RHOH: variants seen among roughly 807,000 people sequenced by gnomAD.
RHOH encodes rho-related GTP-binding protein RhoH.
RHOH carries 6 observed loss-of-function variants against 13.8 expected under a neutral mutation model. That is an observed-to-expected ratio of 0.44 (90% CI 0.24 to 0.86). The LOEUF (loss-of-function observed/expected upper bound fraction) is 0.86. Among genes scored for constraint, RHOH ranks in the 40% least tolerant of loss-of-function variants. The pLI is 0.24. For missense variants in RHOH, 147 were observed against 244.5 expected, an observed-to-expected ratio of 0.60 and a Z score of 2.66; for synonymous variants, 117 against 103.0, an observed-to-expected ratio of 1.14 and a Z score of -0.82.
chr4:40,233,258 C>T (rs192933926), intron 1 of RHOH, among the ~76,000 whole-genome samples: 6 of 152,160 alleles, frequency 3.9e-5, no homozygotes, highest in African/African-American at 1.4e-4. Context: ...ATACCATCAA[C>T]CAACTCACAC....
intron 1 of RHOH, among the ~76,000 whole-genome samples, chr4:40,197,916 G>T (rs1214819965): frequency 6.6e-6 from 1 of 152,180 alleles, no homozygotes; most frequent in Non-Finnish European, 1.5e-5. Flanking sequence ...CAAAGTTTGG[G>T]AAATCACCGG....
intron 1 of RHOH, among the ~76,000 whole-genome samples, chr4:40,204,067 A>G (rs1724351121): frequency 6.6e-6 from 1 of 152,270 alleles, no homozygotes. Context: ...TTATGCCACA[A>G]CAACATTATA....
intron 1 of RHOH, among the ~76,000 whole-genome samples, chr4:40,220,203 T>C (rs1560699692): frequency 6.6e-6 from 1 of 152,132 alleles, no homozygotes. Context: ...CCGCTTCCTC[T>C]GCCTGCATGC....
intron 1 of RHOH, among the ~76,000 whole-genome samples, chr4:40,232,620 C>T (rs922722189): frequency 3.8e-4 from 58 of 152,156 alleles, no homozygotes; most frequent in Non-Finnish European, 2.5e-4. Flanking sequence ...TAACTGGAGT[C>T]AGCTGGAGCT....
intron 1 of RHOH, among the ~76,000 whole-genome samples, chr4:40,203,553 AGAGT>A (rs1474958948): frequency 1.3e-5 from 2 of 149,874 alleles, no homozygotes; most frequent in Non-Finnish European, 2.9e-5. Context: ...TGAGAGAGAG[AGAGT>A]GTGTGTGTGT....
chr4:40,216,063 T>C (rs894284907), intron 1 of RHOH, among the ~76,000 whole-genome samples: 1 of 152,160 alleles, frequency 6.6e-6, no homozygotes, highest in African/African-American at 2.4e-5. Context: ...TCATCGCCAT[T>C]TCTTTCAGCT....
At position 40,244,722 on chromosome 4, in the gene RHOH, T is replaced by C. The variant is rs535333249; in HGVS notation, c.*760T>C. 10 of 181,964 alleles carry C rather than the reference T, an allele frequency of 5.5e-5. No homozygotes were observed. In the South Asian group the frequency reaches 7.9e-4, roughly 14 times the overall value. 11.3% of individuals were successfully genotyped at this position (181,964 alleles called of 1,614,324 possible). On this transcript the variant is annotated 3_prime_UTR_variant, in exon 3 of 3. Transcript: ENST00000381799. The stretch of plus-strand genomic sequence containing the variant: ...AATATTCTCCTCTCATTCACCAAGA[T>C]TGATTGAAACACCATCTTTCAGGTA...
intron 1 of RHOH, among the ~76,000 whole-genome samples, chr4:40,201,681 G>A (rs1724010266): frequency 6.6e-6 from 1 of 151,888 alleles, no homozygotes; most frequent in African/African-American, 2.4e-5. Context: ...CGGGGGGCAA[G>A]CATGTTGTTA....
At chr4:40,206,516 G>C (rs904212982) in intron 1 of RHOH, among the ~76,000 whole-genome samples, 4 of 152,072 alleles carry the variant, frequency 2.6e-5, no homozygotes, top group Admixed American at 2.6e-4. Flanking sequence ...GGGCCTAAAA[G>C]TCCCCTTTGG....
At chr4:40,211,302 C>G (rs6531761) in intron 1 of RHOH, among the ~76,000 whole-genome samples, 88,173 of 151,868 alleles carry the variant, frequency 0.58, 25,788 homozygotes, top group Admixed American at 0.63. Context: ...CTCTCTCTTT[C>G]TCACCGAGGC....
chr4:40,204,198 C>T (rs948590095), intron 1 of RHOH, among the ~76,000 whole-genome samples: 5 of 152,196 alleles, frequency 3.3e-5, no homozygotes, highest in Admixed American at 6.5e-5. Flanking sequence ...TTCAATGTCT[C>T]GTGCTCTTCT....
At position 40,243,519 on chromosome 4, in the gene RHOH, G is replaced by A. The variant is rs760810812; in HGVS notation, c.133G>A (p.Val45Ile). ...AGTGTACGAGAACACAGGGGTGGAC[G>A]TCTTCATGGATGGCATCCAGATCAG... ...PTVYENTGVD[V>I]FMDGIQISLG... Residue 45 changes from valine (V) to isoleucine (I), a missense_variant, in exon 3 of 3, where the codon GTC becomes ATC. Physicochemically the swap from Val to Ile is conservative, Grantham distance 29. Coordinates refer to ENST00000381799, the MANE Select transcript of RHOH (RefSeq NM_004310.5). The surrounding 1 kb of genome is among the most constrained non-coding windows in gnomAD (Gnocchi z 6.2). 2 of 1,613,968 alleles carry A rather than the reference G, an allele frequency of 1.2e-6. No homozygotes were observed. Among genetic ancestry groups the A allele is most frequent in the Non-Finnish European group, 8.5e-7 (1 of 1,179,998 alleles).
At chr4:40,198,372 C>G (rs936272013) in intron 1 of RHOH, among the ~76,000 whole-genome samples, 1 of 152,230 alleles carries the variant, frequency 6.6e-6, no homozygotes, top group Non-Finnish European at 1.5e-5. Context: ...TTGTTTTACA[C>G]ATTGCAGGAA....
chr4:40,191,429 T>C (rs1162813015), upstream of RHOH: 1 of 152,188 alleles, frequency 6.6e-6, no homozygotes, highest in Non-Finnish European at 1.5e-5. Flanking sequence ...TATTAAGCTG[T>C]CTCTCAAGGA....
intron 2 of RHOH, 160 bp downstream of exon 2, chr4:40,242,994 TGTTGG>T: frequency 8.9e-6 from 1 of 112,162 alleles, no homozygotes; most frequent in Non-Finnish European, 1.8e-5. Flanking sequence ...TGTGTGTGTG[TGTTGG>T]GGGAAGACAG....
chr4:40,230,456 G>C (rs561849420), intron 1 of RHOH, among the ~76,000 whole-genome samples: 1 of 151,872 alleles, frequency 6.6e-6, no homozygotes, highest in African/African-American at 2.4e-5. Flanking sequence ...CCAGCCTCCC[G>C]AATAGCTGGG....
chr4:40,234,230 G>A (rs578162568), intron 1 of RHOH, among the ~76,000 whole-genome samples: 4 of 152,302 alleles, frequency 2.6e-5, no homozygotes, highest in South Asian at 4.1e-4. Flanking sequence ...CAGAGACCAC[G>A]TGTCCTTCCC....
At chr4:40,207,161 G>C (rs1254029999) in intron 1 of RHOH, among the ~76,000 whole-genome samples, 2 of 151,210 alleles carry the variant, frequency 1.3e-5, no homozygotes, top group Non-Finnish European at 2.9e-5. Context: ...AGCAGAGATC[G>C]TGCCACTGCA....
At chr4:40,198,002 G>T (rs900909917) in intron 1 of RHOH, among the ~76,000 whole-genome samples, 1 of 152,134 alleles carries the variant, frequency 6.6e-6, no homozygotes, top group African/African-American at 2.4e-5. Context: ...TCCCCTTATT[G>T]GTTCTAAGCT....
Sources: gnomAD v4.1 joint callset for allele counts (sites outside exome capture counted in the v4.1 genomes callset) on GRCh38, gnomAD v4.1.1 for gene constraint, Gnocchi (gnomAD v3.1) non-coding constraint, MANE v1.5 for transcripts, NCBI Gene and HGNC (gene_info 2026-07-23, HGNC 2026-07-21) for gene names.